Variants in BRCA2 observed in about 807,000 individuals in gnomAD.
BRCA2 encodes the protein BRCA2 DNA repair associated.
A neutral mutation model predicts 276.7 loss-of-function variants in BRCA2; 203 were observed. The ratio of observed to expected loss-of-function variants is 0.73; its 90% confidence interval spans 0.65 to 0.82. BRCA2 has a LOEUF of 0.82. BRCA2 is among the 40% of genes least tolerant of loss of function. BRCA2 has a pLI of 0.00. For missense variants in BRCA2, 3,920 were observed against 3,915.0 expected, an observed-to-expected ratio of 1.00 and a Z score of -0.03; for synonymous variants, 1,289 against 1,338.4, an observed-to-expected ratio of 0.96 and a Z score of 0.81.
rs2072291008 is a variant in BRCA2 at position 32,319,363 on chromosome 13, A to G, written c.316+38A>G. The G allele has an allele frequency of 2.5e-6, 4 of 1,574,990 alleles. No individual in the cohort carries two copies. The African/African-American group carries it at 4.0e-5, about 16-fold the overall frequency. ...ATATGGTAGACTGGGGAGAACTACAAACTAGGAATTTAGGCAAACCTGTGT... is the reference window on the plus strand; with the variant it reads ...ATATGGTAGACTGGGGAGAACTACAGACTAGGAATTTAGGCAAACCTGTGT... On this transcript the variant is annotated intron_variant, in intron 3 of 26. Coordinates refer to ENST00000380152, the MANE Select transcript of BRCA2 (RefSeq NM_000059.4).
chr13:32,359,243 A>AAG (rs2072722838), intron 16 of BRCA2, among the ~76,000 whole-genome samples: 2 of 139,312 alleles, frequency 1.4e-5, no homozygotes, highest in Admixed American at 1.4e-4. Context: ...AAAAAAAAAA[A>AAG]GAAAGTTAAA....
rs80358982 is a variant in BRCA2 at position 32,356,551 on chromosome 13, G to A, written c.7559G>A (p.Arg2520Gln). Residue 2520 changes from arginine (R) to glutamine (Q), a missense_variant, in exon 15 of 27, where the codon CGA (arginine) becomes CAA (glutamine). Coordinates refer to ENST00000380152, the MANE Select transcript of BRCA2 (RefSeq NM_000059.4). ...LYLAKTSTLP[R>Q]ISLKAAVGGQ... ...CTTGCAAAAACATCCACTCTGCCTC[G>A]AATCTCTCTGAAAGCAGCAGTAGGA... is the stretch of plus-strand genomic sequence containing the variant. The A allele has an allele frequency of 1.4e-5, 22 of 1,614,034 alleles. No homozygotes were observed. Among genetic ancestry groups the A allele is most frequent in the African/African-American group, 1.1e-4 (8 of 74,908 alleles).
chr13:32,335,605 CA>C (rs2072441890), intron 10 of BRCA2, among the ~76,000 whole-genome samples: 1 of 151,758 alleles, frequency 6.6e-6, no homozygotes. Context: ...CTTTTCTGTT[CA>C]CACCAGTATT....
At chr13:32,322,039 T>C (rs892286500) in intron 3 of BRCA2, among the ~76,000 whole-genome samples, 9 of 152,226 alleles carry the variant, frequency 5.9e-5, no homozygotes, top group Non-Finnish European at 1.0e-4. Flanking sequence ...TCACCCTTTG[T>C]ATGGTTCTAT....
At chr13:32,344,519 T>G in intron 11 of BRCA2, 39 bp from the exon 12 acceptor site, 3 of 1,313,416 alleles carry the variant, frequency 2.3e-6, no homozygotes, top group South Asian at 2.5e-5. Context: ...AAACTGATAT[T>G]ATTTGCCTTA....
intron 19 of BRCA2, 81 bp downstream of exon 19, chr13:32,370,638 C>T (rs1195466069): frequency 2.1e-5 from 31 of 1,467,174 alleles, no homozygotes; most frequent in African/African-American, 5.6e-5. Context: ...GATGGAGTTT[C>T]GGTCTCTTGC....
intron 18 of BRCA2, among the ~76,000 whole-genome samples, 154 bp from the exon 19 acceptor site, chr13:32,370,248 T>C (rs559156529): frequency 6.4e-4 from 98 of 152,330 alleles, no homozygotes; most frequent in Admixed American, 1.1e-3. Flanking sequence ...TTTATACAGT[T>C]TTTTACTTAT....
rs781045037 is a variant in BRCA2 at position 32,339,226 on chromosome 13, C to G, written c.4871C>G (p.Thr1624Ser). Residue 1624 changes from threonine to serine, a missense_variant, in exon 11 of 27, where the codon ACT (threonine) becomes AGT (serine). This residue lies in a region of BRCA2 where 3,263 missense variants were observed against 3,156.9 expected (regional missense o/e 1.03). Coordinates refer to ENST00000380152, the MANE Select transcript of BRCA2 (RefSeq NM_000059.4). ...KLLSDNLCRQ[T>S]ENLKTSKSIF... ...TTAAGTGATAATTTATGTAGACAAA[C>G]TGAAAATCTCAAAACATCAAAAAGT... is the stretch of plus-strand genomic sequence containing the variant. The G allele has an allele frequency of 6.2e-7, 1 of 1,613,074 alleles. No homozygotes were observed. Among genetic ancestry groups the G allele is most frequent in the Non-Finnish European group, 8.5e-7 (1 of 1,179,432 alleles).
chr13:32,370,595 C>G (rs2137598442), intron 19 of BRCA2, 38 bp downstream of exon 19: 1 of 1,584,956 alleles, frequency 6.3e-7, no homozygotes, highest in Non-Finnish European at 8.7e-7. Context: ...ATATTTCTTT[C>G]TTTTGATACA....
At chr13:32,333,786 G>A (rs1370145491) in intron 10 of BRCA2, among the ~76,000 whole-genome samples, 4 of 151,954 alleles carry the variant, frequency 2.6e-5, no homozygotes, top group Non-Finnish European at 4.4e-5. Context: ...CCCACCTCCT[G>A]ACAGACCCTA....
In BRCA2 at chr13:32,394,671, C is replaced by CTT. The variant is rs276174919; in HGVS notation, c.9257-11_9257-10dup. 1 of 1,607,390 alleles carries CTT rather than the reference C, an allele frequency of 6.2e-7. No individual in the cohort carries two copies. The highest frequency in any genetic ancestry group is 2.2e-5 in the East Asian group (1 of 44,854). Reference sequence around the variant, plus strand: ...AACACATCTATAATAACATTCTTTTCTTTTTTTTCCATTCTAGGACTTGCC... The same window carrying CTT: ...AACACATCTATAATAACATTCTTTTCTTTTTTTTTTCCATTCTAGGACTTGCC... On this transcript the variant is annotated splice_polypyrimidine_tract_variant and intron_variant, in intron 24 of 26. Coordinates refer to ENST00000380152, the MANE Select transcript of BRCA2 (RefSeq NM_000059.4).
intron 7 of BRCA2, among the ~76,000 whole-genome samples, 174 bp downstream of exon 7, chr13:32,326,787 A>G (rs2072353221): frequency 6.6e-6 from 1 of 152,000 alleles, no homozygotes; most frequent in South Asian, 2.1e-4. Flanking sequence ...GAATAAATAC[A>G]AATACATTTA....
chr13:32,347,405 C>A (rs1490375065), intron 13 of BRCA2, among the ~76,000 whole-genome samples: 1 of 152,070 alleles, frequency 6.6e-6, no homozygotes, highest in Non-Finnish European at 1.5e-5. Context: ...GAAAAAGATT[C>A]AAATTGGCAG....
chr13:32,326,101 T>G lies in BRCA2; in HGVS notation c.426T>G (p.Ser142Arg). Residue 142 changes from serine (S) to arginine (R), a missense_variant and splice_region_variant, in exon 5 of 27, where the codon AGT (serine) becomes AGG (arginine). Ser to Arg is a moderately radical substitution (Grantham distance 110). Transcript: ENST00000380152. ...CPLLNSCLSE[S>R]PVVLQCTHVT... is the part of the protein sequence containing the mutation. ...AGGGATTTGCTTTGTTTTATTTTAG[T>G]CCTGTTGTTCTACAATGTACACATG... 2 of 1,608,558 alleles carry G rather than the reference T, an allele frequency of 1.2e-6. No individual in the cohort carries two copies. The highest frequency in any genetic ancestry group is 1.7e-6 in the Non-Finnish European group (2 of 1,177,316).
intron 17 of BRCA2, 128 bp downstream of exon 17, chr13:32,362,821 C>A: frequency 1.0e-6 from 1 of 973,634 alleles, no homozygotes; most frequent in Non-Finnish European, 1.6e-6. Flanking sequence ...TCCCACACTG[C>A]TGTTCTCCTG....
intron 18 of BRCA2, among the ~76,000 whole-genome samples, chr13:32,367,507 G>A (rs928240115): frequency 6.6e-6 from 1 of 151,616 alleles, no homozygotes; most frequent in Non-Finnish European, 1.5e-5. Context: ...TATTCTCATT[G>A]TTTTAAAAAC....
At chr13:32,364,409 T>C (rs990163311) in intron 18 of BRCA2, among the ~76,000 whole-genome samples, 2 of 152,074 alleles carry the variant, frequency 1.3e-5, no homozygotes, top group Non-Finnish European at 2.9e-5. Context: ...ACTGCTGTCT[T>C]CTTTCTCTCT....
chr13:32,345,839 A>G (rs1355025513), intron 12 of BRCA2, among the ~76,000 whole-genome samples: 1 of 151,962 alleles, frequency 6.6e-6, no homozygotes, highest in Non-Finnish European at 1.5e-5. Flanking sequence ...CAGATGTGGA[A>G]TTTTCTACTG....
chr13:32,360,091 G>T (rs1381564906), intron 16 of BRCA2, among the ~76,000 whole-genome samples: 1 of 152,192 alleles, frequency 6.6e-6, no homozygotes, highest in Non-Finnish European at 1.5e-5. Context: ...AGTTAGGAAG[G>T]CTTCACTGAG....
Sources: gnomAD v4.1 joint callset for allele counts (sites outside exome capture counted in the v4.1 genomes callset) on GRCh38, gnomAD v4.1.1 for gene constraint, gnomAD v4.1.1 regional missense constraint, MANE v1.5 for transcripts, NCBI Gene and HGNC (gene_info 2026-07-23, HGNC 2026-07-21) for gene names.